NDE1: variants seen among roughly 807,000 people sequenced by gnomAD.
NDE1 encodes the protein nuclear distribution protein nudE homolog 1.
A neutral mutation model predicts 43.4 loss-of-function variants in NDE1; 28 were observed. The ratio of observed to expected loss-of-function variants is 0.65; its 90% confidence interval spans 0.48 to 0.89. NDE1 has a LOEUF of 0.89. Ranked by LOEUF, NDE1 falls within the 40% of genes least tolerant of loss-of-function variation. The pLI is 0.00. For synonymous variants in NDE1, 184 were observed against 172.0 expected (o/e 1.07, Z -0.55); for missense variants, 441 against 434.1 (o/e 1.02, Z -0.14).
In NDE1 at chr16:15,691,230, A is replaced by C; in HGVS notation, c.610A>C (p.Thr204Pro). 1 of 1,614,136 alleles carries C rather than the reference A, an allele frequency of 6.2e-7. No homozygotes were observed. ...CTCAGTGGAAGCTGAGAGGACAGAC[A>C]CAGCTGTGCAGGCCACGGGCTCCGT... ...PSSVEAERTD[T>P]AVQATGSVPS... Residue 204 changes from threonine (T) to proline (P), a missense_variant, in exon 6 of 9, where the codon ACA (threonine) becomes CCA (proline). Thr to Pro is a conservative substitution (Grantham distance 38). Coordinates refer to ENST00000396354, the MANE Select transcript of NDE1 (RefSeq NM_017668.3).
Position 15,705,984 on chromosome 16 carries a change from C to CAAAAAA in NDE1, c.947+9140_947+9145dup, listed in dbSNP as rs57451847. The stretch of plus-strand genomic sequence containing the variant: ...TAGGCGACAGGGTGAGACTCCGTCT[C>CAAAAAA]AAAAAAAAAAAAAAAAAAAAATCAA... On this transcript the variant is annotated intron_variant, in intron 8 of 8. Coordinates refer to ENST00000396354, the MANE Select transcript of NDE1 (RefSeq NM_017668.3). Among the ~76,000 whole-genome samples the CAAAAAA allele has an allele frequency of 4.8e-4, 27 of 56,764 alleles. 5 individuals carry two copies. The highest frequency in any genetic ancestry group is 1.3e-3 in the African/African-American group (12 of 8,908). The allele number at this position is 56,764 out of a possible 152,430, so 37.2% of individuals were successfully genotyped here.
intron 8 of NDE1, among the ~76,000 whole-genome samples, chr16:15,699,167 T>G (rs1449972528): frequency 6.6e-6 from 1 of 152,124 alleles, no homozygotes; most frequent in Non-Finnish European, 1.5e-5. Context: ...TCATTGAGAT[T>G]TCTAGAGGTG....
chr16:15,705,889 G>A (rs1304281905), intron 8 of NDE1, among the ~76,000 whole-genome samples: 1 of 147,346 alleles, frequency 6.8e-6, no homozygotes, highest in Non-Finnish European at 1.5e-5. Context: ...GGAGGCTGAG[G>A]CAGGAGAATG....
rs147520971 is a variant in NDE1 at position 15,725,756 on chromosome 16, C to A, written c.*1505C>A. ...ACATTTGTGAAAACTTTGGCCACGT[C>A]CCCATGAGTGGCAAGGCAGGGTAAA... On this transcript the variant is annotated 3_prime_UTR_variant, in exon 9 of 9. Transcript: ENST00000396354. 100 of 398,746 alleles carry A rather than the reference C, an allele frequency of 2.5e-4. No individual in the cohort carries two copies. Among genetic ancestry groups the A allele is most frequent in the African/African-American group, 1.9e-3 (94 of 48,754 alleles). 24.7% of individuals were successfully genotyped at this position (398,746 alleles called of 1,614,324 possible). A position where few individuals can be genotyped will look rare whatever the true frequency, so the allele number is the denominator to read the frequency against.
intron 8 of NDE1, chr16:15,701,825 G>C (rs190574906): frequency 3.9e-5 from 6 of 152,222 alleles, no homozygotes; most frequent in African/African-American, 1.4e-4. Context: ...CTGCGATGGT[G>C]GGTTTCTTAC....
Position 15,686,402 on chromosome 16 carries a change from C to G in NDE1, c.387-973C>G, listed in dbSNP as rs989028901. On this transcript the variant is annotated intron_variant, in intron 4 of 8. Transcript: ENST00000396354. ...TGTTTTCTTACAGCACTTGGCAGTG[C>G]CTTTACCACAGTGTTTATGCCCTTC... 9.1e-6 allele frequency: 9 copies of G among 985,160 alleles called. No individual in the cohort carries two copies. In the African/African-American group the frequency reaches 1.4e-4, roughly 15 times the overall value. The allele number at this position is 985,160 out of a possible 1,614,324, so 61.0% of individuals were successfully genotyped here. A position where few individuals can be genotyped will look rare whatever the true frequency, so the allele number is the denominator to read the frequency against.
chr16:15,709,290 G>A (rs1446251011), intron 8 of NDE1, among the ~76,000 whole-genome samples: 1 of 151,734 alleles, frequency 6.6e-6, no homozygotes, highest in Non-Finnish European at 1.5e-5. Context: ...ATCACCTGAC[G>A]CCAAGAGCAT....
rs897889339 is a variant in NDE1 at position 15,725,605 on chromosome 16, G to A, written c.*1354G>A. The A allele has an allele frequency of 2.5e-5, 10 of 405,360 alleles. No individual in the cohort carries two copies. Among genetic ancestry groups the A allele is most frequent in the East Asian group, 1.1e-4 (3 of 28,356 alleles). The allele number at this position is 405,360 out of a possible 1,614,324, so 25.1% of individuals were successfully genotyped here. A position where few individuals can be genotyped will look rare whatever the true frequency, so the allele number is the denominator to read the frequency against. ...CTCCATCTCTTCCATTGACAAGGAG[G>A]ATATGAATGATCTTGACACTGCTTA... On this transcript the variant is annotated 3_prime_UTR_variant, in exon 9 of 9. Transcript: ENST00000396354.
Position 15,664,702 on chromosome 16 carries a change from A to T in NDE1, c.-43-34A>T, listed in dbSNP as rs1277852435. On this transcript the variant is annotated intron_variant, in intron 1 of 8. Transcript: ENST00000396354. ...TAAAGGGGATCAGCTGTTTAACCAGATGTGGGTAATCATTTTGAAACCTTC... is the reference window on the plus strand; with the variant it reads ...TAAAGGGGATCAGCTGTTTAACCAGTTGTGGGTAATCATTTTGAAACCTTC... 2.2e-5 allele frequency: 25 copies of T among 1,119,926 alleles called. No homozygotes were observed. In the African/African-American group the frequency reaches 3.1e-4, roughly 14 times the overall value. 69.4% of individuals were successfully genotyped at this position (1,119,926 alleles called of 1,614,324 possible). A position where few individuals can be genotyped will look rare whatever the true frequency, so the allele number is the denominator to read the frequency against.
Position 15,725,048 on chromosome 16 carries a change from AAGG to A in NDE1, c.*800_*802del. The A allele has an allele frequency of 1.3e-6, 2 of 1,482,684 alleles. No homozygotes were observed. Among genetic ancestry groups the A allele is most frequent in the Non-Finnish European group, 1.9e-6 (2 of 1,072,158 alleles). The allele number at this position is 1,482,684 out of a possible 1,614,324, so 91.8% of individuals were successfully genotyped here. A position where few individuals can be genotyped will look rare whatever the true frequency, so the allele number is the denominator to read the frequency against. On this transcript the variant is annotated 3_prime_UTR_variant, in exon 9 of 9. Transcript: ENST00000396354. The stretch of plus-strand genomic sequence containing the variant: ...GCCTCTAGAAGGGGATCCTCGTTGA[AAGG>A]AGCCCTTTTTACTCAAAACACATGG...
At chr16:15,717,016 G>A in intron 8 of NDE1, 2 of 1,022,628 alleles carry the variant, frequency 2.0e-6, no homozygotes, top group East Asian at 4.7e-5. Flanking sequence ...CTGCACTGTA[G>A]GCATCACAGA....
upstream of NDE1, among the ~76,000 whole-genome samples, chr16:15,647,415 A>G (rs1482604597): frequency 1.3e-5 from 2 of 152,174 alleles, no homozygotes; most frequent in African/African-American, 2.4e-5. Flanking sequence ...GGACAACTCA[A>G]TTAACTTCCT....
At chr16:15,668,232 C>T (rs1178947174) in intron 3 of NDE1, among the ~76,000 whole-genome samples, 1 of 152,098 alleles carries the variant, frequency 6.6e-6, no homozygotes, top group Non-Finnish European at 1.5e-5. Context: ...CGTGGTGGTA[C>T]ACGCCTATAG....
In NDE1 at chr16:15,644,324, G is replaced by A. The variant is rs556119054; in HGVS notation, c.-166+397G>A. Reference sequence around the variant, plus strand: ...TCAATAGGCAATCCCCATTACGTGGGGATTAACACATCCCTGTAAACATCC... The same window carrying A: ...TCAATAGGCAATCCCCATTACGTGGAGATTAACACATCCCTGTAAACATCC... On this transcript the variant is annotated intron_variant, in intron 1 of 9. Transcript: ENST00000396355. 3.3e-5 allele frequency among the ~76,000 whole-genome samples: 5 copies of A among 152,314 alleles called. 1 individual carries two copies. Among genetic ancestry groups the A allele is most frequent in the African/African-American group, 1.2e-4 (5 of 41,558 alleles).
At position 15,657,102 on chromosome 16, in the gene NDE1, G is replaced by GT. The variant is rs542672912; in HGVS notation, c.-44+6820dup. On this transcript the variant is annotated intron_variant, in intron 1 of 8. Coordinates refer to ENST00000396354, the MANE Select transcript of NDE1 (RefSeq NM_017668.3). ...AATAGTATCACCAATGTCTTTTTTTGTTTTTTTTTTTTGAGGCAGAGTTTC... is the reference window on the plus strand; with the variant it reads ...AATAGTATCACCAATGTCTTTTTTTGTTTTTTTTTTTTTGAGGCAGAGTTTC... 5.6e-3 allele frequency among the ~76,000 whole-genome samples: 793 copies of GT among 142,012 alleles called. 1 individual carries two copies. The highest frequency in any genetic ancestry group is 6.7e-3 in the Non-Finnish European group (433 of 64,498). 93.2% of individuals were successfully genotyped at this position (142,012 alleles called of 152,430 possible).
At chr16:15,666,095 A>G (rs1459607719) in intron 2 of NDE1, among the ~76,000 whole-genome samples, 1 of 152,098 alleles carries the variant, frequency 6.6e-6, no homozygotes, top group Non-Finnish European at 1.5e-5. Context: ...CAGTTCCTAG[A>G]TGCCATATCT....
At chr16:15,721,975 A>G (rs1262332304) in intron 8 of NDE1, among the ~76,000 whole-genome samples, 1 of 152,104 alleles carries the variant, frequency 6.6e-6, no homozygotes, top group Non-Finnish European at 1.5e-5. Flanking sequence ...CTCCTGCCTC[A>G]GCCTCCAGAG....
rs1229247929 is a variant in NDE1, at chr16:15,686,888, C to T, written c.387-487C>T. 6 of 741,912 alleles carry T rather than the reference C, an allele frequency of 8.1e-6. No individual in the cohort carries two copies. The African/African-American group carries it at 9.6e-5, about 12-fold the overall frequency. The allele number at this position is 741,912 out of a possible 1,614,324, so 46.0% of individuals were successfully genotyped here. A position where few individuals can be genotyped will look rare whatever the true frequency, so the allele number is the denominator to read the frequency against. ...ATTTCTAGTAGAGACAGGATTTTGC[C>T]ATTTGCCCAAGCTTGCCAGGCTGGT... On this transcript the variant is annotated intron_variant, in intron 4 of 8. Transcript: ENST00000396354.
chr16:15,681,717 ATTTGT>A (rs973902704), intron 4 of NDE1, among the ~76,000 whole-genome samples: 11 of 151,916 alleles, frequency 7.2e-5, no homozygotes, highest in African/African-American at 1.9e-4. Flanking sequence ...AGAGTTACTG[ATTTGT>A]TTTGTTTTGA....
Sources: allele counts gnomAD v4.1 joint callset (sites outside exome capture counted in the v4.1 genomes callset), GRCh38; gene constraint gnomAD v4.1.1; transcripts MANE v1.5; gene names NCBI Gene and HGNC (gene_info 2026-07-23, HGNC 2026-07-21).